ABCA13: variants seen among roughly 807,000 people sequenced by gnomAD.
ABCA13 encodes the protein ATP-binding cassette sub-family A member 13.
ABCA13 carries 476 observed loss-of-function variants against 478.7 expected under a neutral mutation model. The observed-to-expected ratio is 0.99, with a 90% CI of 0.92 to 1.07. The LOEUF (loss-of-function observed/expected upper bound fraction) is 1.07. ABCA13 is among the 50% of genes least tolerant of loss of function. The probability of loss-of-function intolerance (pLI) is 0.00; values close to 1 mark genes in which losing one functional copy is unlikely to be tolerated. For missense variants in ABCA13, 6,060 were observed against 5,910.6 expected (o/e 1.03, Z -0.83); for synonymous variants, 2,252 against 2,158.9 (o/e 1.04, Z -1.20).
intron 55 of ABCA13, among the ~76,000 whole-genome samples, chr7:48,529,890 C>A (rs955598462): frequency 9.2e-5 from 14 of 152,114 alleles, no homozygotes; most frequent in Admixed American, 1.3e-4. Context: ...TCTACACTTT[C>A]TCTACAGTAA....
At chr7:48,421,611 T>G (rs953977527) in intron 41 of ABCA13, among the ~76,000 whole-genome samples, 2 of 152,202 alleles carry the variant, frequency 1.3e-5, no homozygotes, top group Admixed American at 6.5e-5. Flanking sequence ...TGTTCTAGGA[T>G]TGCCATTCTT....
At chr7:48,399,796 G>A (rs1817343578) in intron 38 of ABCA13, among the ~76,000 whole-genome samples, 1 of 152,162 alleles carries the variant, frequency 6.6e-6, no homozygotes. Flanking sequence ...AAGGCTGGGG[G>A]CTTCAGCAGA....
At chr7:48,198,148 G>T in intron 2 of ABCA13, 89 bp from the exon 3 acceptor site, 4 of 1,213,984 alleles carry the variant, frequency 3.3e-6, no homozygotes, top group East Asian at 2.6e-5. Context: ...ATAATAATAT[G>T]ATGTTATATA....
intron 19 of ABCA13, among the ~76,000 whole-genome samples, chr7:48,285,963 G>A (rs1051070131): frequency 1.3e-5 from 2 of 152,212 alleles, no homozygotes; most frequent in Non-Finnish European, 2.9e-5. Context: ...GTTGCTTCTG[G>A]AAAGCATGAC....
chr7:48,218,581 G>A (rs978224707), intron 3 of ABCA13, among the ~76,000 whole-genome samples: 9 of 152,090 alleles, frequency 5.9e-5, no homozygotes, highest in Non-Finnish European at 8.8e-5. Context: ...TTGAGTGTAC[G>A]TAGCAACCAC....
intron 26 of ABCA13, among the ~76,000 whole-genome samples, chr7:48,316,926 G>A (rs1327799032): frequency 1.3e-5 from 2 of 152,156 alleles, no homozygotes; most frequent in African/African-American, 4.8e-5. Context: ...CTGCCCCCAA[G>A]ATCTAAAGAC....
At position 48,637,702 on chromosome 7, in the gene ABCA13, T is replaced by C. The variant is rs114829059; in HGVS notation, c.14838-5586T>C. Among the ~76,000 whole-genome samples, 534 of 152,270 alleles carry C rather than the reference T, an allele frequency of 3.5e-3. 1 individual carries two copies. Among genetic ancestry groups the C allele is most frequent in the African/African-American group, 0.012 (492 of 41,550 alleles). Reference sequence around the variant, plus strand: ...ATATAATGCTGGAGATGAGGCTATGTATTTTTTTTTATCCCACTGACTTGG... The same window carrying C: ...ATATAATGCTGGAGATGAGGCTATGCATTTTTTTTTATCCCACTGACTTGG... On this transcript the variant is annotated intron_variant, in intron 59 of 61. Transcript: ENST00000435803.
intron 24 of ABCA13, among the ~76,000 whole-genome samples, chr7:48,311,136 G>T (rs541781501): frequency 6.6e-6 from 1 of 152,190 alleles, no homozygotes; most frequent in East Asian, 1.9e-4. Context: ...GTGGCTGTAG[G>T]CACCCTGAGT....
chr7:48,620,703 G>A (rs946395662), intron 59 of ABCA13, among the ~76,000 whole-genome samples: 2 of 152,114 alleles, frequency 1.3e-5, no homozygotes, highest in Non-Finnish European at 2.9e-5. Flanking sequence ...AAAACATTAG[G>A]CAGTCAACCC....
intron 3 of ABCA13, among the ~76,000 whole-genome samples, chr7:48,200,025 T>C (rs1271196246): frequency 6.6e-6 from 1 of 152,102 alleles, no homozygotes; most frequent in Non-Finnish European, 1.5e-5. Flanking sequence ...CCAATGGGAA[T>C]TGATAATAAC....
intron 35 of ABCA13, among the ~76,000 whole-genome samples, chr7:48,380,870 C>A (rs944329311): frequency 6.6e-6 from 1 of 152,116 alleles, no homozygotes; most frequent in African/African-American, 2.4e-5. Context: ...CACGCCCCTA[C>A]CACCTGCTGT....
rs1465860251 is a variant in ABCA13 at position 48,245,872 on chromosome 7, A to G, written c.1501A>G (p.Lys501Glu). The G allele has an allele frequency of 1.2e-6, 2 of 1,612,016 alleles. No homozygotes were observed. Among genetic ancestry groups the G allele is most frequent in the Non-Finnish European group, 1.7e-6 (2 of 1,178,972 alleles). Residue 501 changes from lysine (K) to glutamate (E), a missense_variant, in exon 13 of 62, where the codon AAG (lysine) becomes GAG (glutamate). This residue lies in a region of ABCA13 where 4,423 missense variants were observed against 4,309.1 expected (regional missense o/e 1.03). Coordinates refer to ENST00000435803, the MANE Select transcript of ABCA13 (RefSeq NM_152701.5). ...FFWELKQMLA[K>E]NAVCPNGRFS... ...CTTATTAATCTTTTAGATGTTGGCG[A>G]AGAATGCTGTCTGCCCGAATGGTCG... is the stretch of plus-strand genomic sequence containing the variant.
At chr7:48,338,501 T>A (rs753069182) in intron 29 of ABCA13, 46 bp downstream of exon 29, 41 of 1,470,950 alleles carry the variant, frequency 2.8e-5, no homozygotes, top group Non-Finnish European at 3.7e-5. Context: ...CCCATATGGC[T>A]CTGCCACTTG....
At position 48,310,060 on chromosome 7, in the gene ABCA13, C is replaced by G. The variant is rs770669599; in HGVS notation, c.9435C>G (p.Leu3145=). 8 of 1,613,916 alleles carry G rather than the reference C, an allele frequency of 5.0e-6. No homozygotes were observed. Among genetic ancestry groups the G allele is most frequent in the Non-Finnish European group, 5.9e-6 (7 of 1,179,806 alleles). The change falls in exon 24 of 62, where the codon CTC becomes CTG. Residue 3145 remains leucine (L), a synonymous_variant. Transcript: ENST00000435803. ...AATCTTGGATCGCAGCGGAGGAACT[C>G]TGTAGCCTGCCAGGGTCAAAAGTGT... ...GEKSWIAAEE[L]CSLPGSKVYS...
Position 48,375,622 on chromosome 7 carries a change from G to C in ABCA13, c.11204-819G>C, listed in dbSNP as rs893773359. Among the ~76,000 whole-genome samples the C allele has an allele frequency of 2.0e-5, 3 of 151,808 alleles. No homozygotes were observed. The East Asian group carries it at 5.8e-4, about 29-fold the overall frequency. Reference sequence around the variant, plus strand: ...TATTTGTATGGTTTTTTTTGGGGGGGGGTGTTTTTGTAAACAGAGGTAAAA... The same window carrying C: ...TATTTGTATGGTTTTTTTTGGGGGGCGGTGTTTTTGTAAACAGAGGTAAAA... On this transcript the variant is annotated intron_variant, in intron 34 of 61. Transcript: ENST00000435803.
intron 41 of ABCA13, among the ~76,000 whole-genome samples, chr7:48,424,369 G>C (rs964913886): frequency 6.6e-6 from 1 of 152,170 alleles, no homozygotes; most frequent in African/African-American, 2.4e-5. Flanking sequence ...TTTAAATATT[G>C]CTGGAAAGTA....
intron 27 of ABCA13, among the ~76,000 whole-genome samples, chr7:48,324,215 T>C (rs1281331909): frequency 6.6e-6 from 1 of 152,184 alleles, no homozygotes; most frequent in Non-Finnish European, 1.5e-5. Context: ...ATGGCAGGAC[T>C]GGTTTTTCCT....
At chr7:48,431,033 T>C (rs1822073052) in intron 42 of ABCA13, among the ~76,000 whole-genome samples, 1 of 152,202 alleles carries the variant, frequency 6.6e-6, no homozygotes, top group Non-Finnish European at 1.5e-5. Flanking sequence ...TTTGATATGT[T>C]GTATCTTCAT....
chr7:48,289,875 G>A (rs1798267550), intron 20 of ABCA13, among the ~76,000 whole-genome samples: 1 of 152,162 alleles, frequency 6.6e-6, no homozygotes, highest in Non-Finnish European at 1.5e-5. Flanking sequence ...ATCTCAGGAT[G>A]CAAAGCTTTT....
Sources: allele counts gnomAD v4.1 joint callset (sites outside exome capture counted in the v4.1 genomes callset), GRCh38; gene constraint gnomAD v4.1.1; regional missense constraint gnomAD v4.1.1; transcripts MANE v1.5; gene names NCBI Gene and HGNC (gene_info 2026-07-23, HGNC 2026-07-21).